Variants in GIPC2 observed in about 807,000 individuals in gnomAD.
GIPC2 encodes the protein PDZ domain-containing protein GIPC2.
GIPC2 carries 30 observed loss-of-function variants against 30.6 expected under a neutral mutation model. The observed-to-expected ratio is 0.98, with a 90% CI of 0.73 to 1.33. The LOEUF (loss-of-function observed/expected upper bound fraction) is 1.33. Among genes scored for constraint, GIPC2 ranks in the 40% most tolerant of loss-of-function variants. The pLI, the probability that GIPC2 is intolerant of heterozygous loss-of-function variation, is 0.00. For missense variants in GIPC2, 414 were observed against 390.3 expected, an observed-to-expected ratio of 1.06 and a Z score of -0.51; for synonymous variants, 167 against 150.0, an observed-to-expected ratio of 1.11 and a Z score of -0.83.
At chr1:78,045,252 G>A (rs1310803625), upstream of GIPC2, among the ~76,000 whole-genome samples, 1 of 152,194 alleles carries the variant, frequency 6.6e-6, no homozygotes, top group Non-Finnish European at 1.5e-5. Context: ...AAATTTCGTA[G>A]CTAATAATTC....
intron 1 of GIPC2, among the ~76,000 whole-genome samples, chr1:78,052,271 ACTAT>A (rs1263634261): frequency 6.6e-6 from 1 of 152,206 alleles, no homozygotes; most frequent in Non-Finnish European, 1.5e-5. Context: ...TCCGTAGCAT[ACTAT>A]CCTATGTATA....
intron 2 of GIPC2, among the ~76,000 whole-genome samples, chr1:78,081,147 T>C (rs1203145298): frequency 6.6e-6 from 1 of 152,198 alleles, no homozygotes; most frequent in Non-Finnish European, 1.5e-5. Flanking sequence ...TTTCCATGTC[T>C]GTAGGTTTTA....
intron 3 of GIPC2, among the ~76,000 whole-genome samples, chr1:78,105,372 C>T (rs942174644): frequency 3.3e-5 from 5 of 151,528 alleles, no homozygotes; most frequent in South Asian, 2.1e-4. Flanking sequence ...CTGCAACCTC[C>T]GCCTCCTGGG....
At chr1:78,124,891 C>T (rs557695016) in intron 4 of GIPC2, among the ~76,000 whole-genome samples, 2 of 152,196 alleles carry the variant, frequency 1.3e-5, no homozygotes, top group Admixed American at 6.5e-5. Context: ...CGCCTGTAAT[C>T]CCAGCTACTT....
intron 3 of GIPC2, among the ~76,000 whole-genome samples, chr1:78,111,764 T>C (rs1662470084): frequency 6.6e-6 from 1 of 152,222 alleles, no homozygotes. Flanking sequence ...TTTGAGTACT[T>C]AAAACTATGC....
intron 2 of GIPC2, among the ~76,000 whole-genome samples, chr1:78,085,522 G>T (rs181257740): frequency 2.7e-5 from 4 of 150,892 alleles, no homozygotes; most frequent in Admixed American, 2.0e-4. Flanking sequence ...ATATTTGATA[G>T]AATTCAGTTG....
intron 1 of GIPC2, among the ~76,000 whole-genome samples, chr1:78,066,807 G>C (rs1415959448): frequency 3.3e-5 from 5 of 152,148 alleles, no homozygotes; most frequent in Admixed American, 2.0e-4. Context: ...CTGCGTATTA[G>C]CACTTATAAG....
At chr1:78,092,072 C>A (rs946065387) in intron 2 of GIPC2, 11 of 1,492,496 alleles carry the variant, frequency 7.4e-6, no homozygotes, top group African/African-American at 6.9e-5. Context: ...GTCAGCTTCA[C>A]CCCCCGGCTT....
At chr1:78,068,426 C>T (rs1661560454) in intron 1 of GIPC2, among the ~76,000 whole-genome samples, 1 of 152,246 alleles carries the variant, frequency 6.6e-6, no homozygotes, top group East Asian at 1.9e-4. Flanking sequence ...TGCCTTTCCT[C>T]AACATCCAAA....
At chr1:78,079,305 G>T (rs1329674608) in intron 1 of GIPC2, among the ~76,000 whole-genome samples, 2 of 151,996 alleles carry the variant, frequency 1.3e-5, no homozygotes, top group Non-Finnish European at 2.9e-5. Context: ...TCTGGGATTT[G>T]CTCTGAGCTT....
chr1:78,084,311 C>A (rs754885377), intron 2 of GIPC2, among the ~76,000 whole-genome samples: 2 of 151,960 alleles, frequency 1.3e-5, no homozygotes, highest in Non-Finnish European at 1.5e-5. Context: ...GCCAGGAGTT[C>A]GAGACCAACC....
intron 1 of GIPC2, among the ~76,000 whole-genome samples, chr1:78,049,529 C>T (rs897491380): frequency 9.9e-5 from 15 of 152,232 alleles, no homozygotes; most frequent in African/African-American, 3.6e-4. Context: ...ATAGTTAACT[C>T]AGAAGTCCTG....
intron 1 of GIPC2, 28 bp downstream of exon 1, chr1:78,046,362 C>T (rs769534480): frequency 4.0e-5 from 63 of 1,581,374 alleles, no homozygotes; most frequent in Non-Finnish European, 5.3e-5. Flanking sequence ...CAGGCTCTCC[C>T]GCCTCTCCGC....
At chr1:78,112,526 C>A (rs765931395) in intron 3 of GIPC2, 1 of 518,926 alleles carries the variant, frequency 1.9e-6, no homozygotes, top group African/African-American at 1.9e-5. Flanking sequence ...AGGTGCTGCT[C>A]CATACTCCAG....
rs1041948616 is a variant in GIPC2 at position 78,045,971 on chromosome 1, G to A, written c.-124G>A. ...GGCCCTGACCCGACGCAGCCAGGCGGAAGCGCGGCTGCCATTGGAGGCTGC... is the reference window on the plus strand; with the variant it reads ...GGCCCTGACCCGACGCAGCCAGGCGAAAGCGCGGCTGCCATTGGAGGCTGC... On this transcript the variant is annotated 5_prime_UTR_variant, in exon 1 of 6. Transcript: ENST00000370759. 1.5e-6 allele frequency: 2 copies of A among 1,376,200 alleles called. No homozygotes were observed. Among genetic ancestry groups the A allele is most frequent in the Non-Finnish European group, 9.3e-7 (1 of 1,069,802 alleles). 85.2% of individuals were successfully genotyped at this position (1,376,200 alleles called of 1,614,324 possible).
intron 1 of GIPC2, among the ~76,000 whole-genome samples, chr1:78,053,103 A>G (rs977458232): frequency 4.6e-5 from 7 of 152,182 alleles, no homozygotes; most frequent in Non-Finnish European, 7.3e-5. Flanking sequence ...GAATATTACT[A>G]TTGAGGTCTG....
chr1:78,046,524 A>T (rs1293026912), intron 1 of GIPC2, among the ~76,000 whole-genome samples, 190 bp downstream of exon 1: 4 of 152,192 alleles, frequency 2.6e-5, no homozygotes, highest in Admixed American at 2.0e-4. Context: ...TTAACTTGGC[A>T]GGACCGCAGA....
At chr1:78,102,384 T>A (rs893457819) in intron 3 of GIPC2, among the ~76,000 whole-genome samples, 14 of 152,254 alleles carry the variant, frequency 9.2e-5, no homozygotes, top group Non-Finnish European at 2.9e-5. Context: ...AAACTGTGGC[T>A]TTTAAGTTTT....
chr1:78,088,800 A>C (rs1661982397), intron 2 of GIPC2, among the ~76,000 whole-genome samples: 1 of 151,556 alleles, frequency 6.6e-6, no homozygotes, highest in African/African-American at 2.4e-5. Flanking sequence ...AGCCATGATC[A>C]TGCCACCACT....
Sources: gnomAD v4.1 joint callset for allele counts (sites outside exome capture counted in the v4.1 genomes callset) on GRCh38, gnomAD v4.1.1 for gene constraint, MANE v1.5 for transcripts, NCBI Gene and HGNC (gene_info 2026-07-23, HGNC 2026-07-21) for gene names.